NUMB: variants seen among roughly 807,000 people sequenced by gnomAD.
The protein encoded by NUMB is NUMB endocytic adaptor protein.
A neutral mutation model predicts 59.7 loss-of-function variants in NUMB; 29 were observed. The observed-to-expected ratio is 0.49, with a 90% confidence interval of 0.36 to 0.66. NUMB has a LOEUF of 0.66. NUMB is among the 30% of genes least tolerant of loss of function. The probability of loss-of-function intolerance (pLI) is 0.00; values close to 1 mark genes in which losing one functional copy is unlikely to be tolerated. For synonymous variants in NUMB, 288 were observed against 288.2 expected (o/e 1.00, Z 0.01); for missense variants, 723 against 822.0 (o/e 0.88, Z 1.47).
At chr14:73,282,550 A>C (rs775706015) in intron 10 of NUMB, 45 bp from the exon 11 acceptor site, 6 of 1,595,638 alleles carry the variant, frequency 3.8e-6, no homozygotes, top group Non-Finnish European at 5.1e-6. Flanking sequence ...AAATGGAATA[A>C]TCCTGAAATT....
rs541060836 is a variant in NUMB at position 73,354,459 on chromosome 14, C to T, written c.126+1167G>A. Among the ~76,000 whole-genome samples the T allele has an allele frequency of 1.5e-4, 21 of 144,620 alleles. No individual in the cohort carries two copies. In the South Asian group the frequency reaches 3.3e-3, roughly 23 times the overall value. The allele number at this position is 144,620 out of a possible 152,430, so 94.9% of individuals were successfully genotyped here. On this transcript the variant is annotated intron_variant, in intron 4 of 12. Transcript: ENST00000555238. ...CTAGGAGACGGAGGTTGCAGTGAGC[C>T]GAGATGGTGCCACTGCACTCCAGCC...
intron 2 of NUMB, among the ~76,000 whole-genome samples, chr14:73,396,321 G>GGTGTGTGT (rs200195176): frequency 4.8e-4 from 69 of 144,326 alleles, no homozygotes; most frequent in East Asian, 2.2e-3. Flanking sequence ...AATTATTAGG[G>GGTGTGTGT]GTGTGTGTGT....
intron 6 of NUMB, among the ~76,000 whole-genome samples, chr14:73,307,163 GC>G (rs1482322490): frequency 6.6e-6 from 1 of 152,096 alleles, no homozygotes; most frequent in Non-Finnish European, 1.5e-5. Context: ...CAAAAAATTA[GC>G]TGGGTGTGGT....
chr14:73,391,527 G>A (rs1594981529), intron 2 of NUMB, among the ~76,000 whole-genome samples: 1 of 151,872 alleles, frequency 6.6e-6, no homozygotes, highest in African/African-American at 2.4e-5. Flanking sequence ...CTCTAACAAT[G>A]ATTCATTCTC....
At chr14:73,379,137 C>A (rs1895109140) in intron 2 of NUMB, among the ~76,000 whole-genome samples, 1 of 152,208 alleles carries the variant, frequency 6.6e-6, no homozygotes, top group South Asian at 2.1e-4. Flanking sequence ...TTATATATGG[C>A]ATTTTACCCA....
At chr14:73,322,518 A>C (rs1891459305) in intron 5 of NUMB, among the ~76,000 whole-genome samples, 1 of 152,172 alleles carries the variant, frequency 6.6e-6, no homozygotes, top group African/African-American at 2.4e-5. Flanking sequence ...TAATAGTAAG[A>C]AGTCTCCAAA....
intron 1 of NUMB, among the ~76,000 whole-genome samples, chr14:73,414,751 G>C (rs555976376): frequency 6.6e-6 from 1 of 151,942 alleles, no homozygotes; most frequent in Non-Finnish European, 1.5e-5. Context: ...ACTGAGTCTC[G>C]CTCTGTTGCC....
At chr14:73,429,409 C>G (rs1897728906) in intron 1 of NUMB, among the ~76,000 whole-genome samples, 2 of 151,978 alleles carry the variant, frequency 1.3e-5, no homozygotes, top group African/African-American at 4.8e-5. Flanking sequence ...TATAGTTTTG[C>G]CTGTTCCAAA....
intron 1 of NUMB, among the ~76,000 whole-genome samples, chr14:73,415,930 AAAAG>A (rs1459386309): frequency 2.0e-5 from 3 of 151,554 alleles, no homozygotes; most frequent in Admixed American, 1.3e-4. Context: ...ACAGTACTAC[AAAAG>A]AAAGAAAAAA....
intron 2 of NUMB, among the ~76,000 whole-genome samples, chr14:73,378,970 T>C (rs867681385): frequency 3.3e-5 from 5 of 152,122 alleles, no homozygotes; most frequent in Admixed American, 2.0e-4. Context: ...AGAAGAAATA[T>C]GGGAACTCTC....
intron 4 of NUMB, among the ~76,000 whole-genome samples, chr14:73,349,972 T>C (rs116212057): frequency 0.02 from 3,054 of 151,952 alleles, 100 homozygotes; most frequent in African/African-American, 0.07. Context: ...CAAGAATCAC[T>C]TGAACCCAGA....
intron 1 of NUMB, among the ~76,000 whole-genome samples, chr14:73,439,369 CAG>C (rs992467627): frequency 2.1e-4 from 32 of 152,206 alleles, no homozygotes; most frequent in African/African-American, 4.8e-4. Flanking sequence ...CTATTAAAAA[CAG>C]GGGGAAAAAG....
rs537183520 is a variant in NUMB, at chr14:73,399,218, C to T, written c.-101+10719G>A. On this transcript the variant is annotated intron_variant, in intron 2 of 12. Coordinates refer to ENST00000555238, the MANE Select transcript of NUMB (RefSeq NM_001005743.2). ...AAAATAAGCACTTACTTACATTAAG[C>T]ATATTAAATAGTTGGCCCTCCACAT... Among the ~76,000 whole-genome samples, 3 of 152,280 alleles carry T rather than the reference C, an allele frequency of 2.0e-5. No homozygotes were observed. In the South Asian group the frequency reaches 6.2e-4, roughly 32 times the overall value.
chr14:73,444,809 A>G (rs1364794333), intron 1 of NUMB, among the ~76,000 whole-genome samples: 1 of 150,074 alleles, frequency 6.7e-6, no homozygotes, highest in East Asian at 2.0e-4. Context: ...GTGAGCCGAG[A>G]TCACGCCACT....
rs1351802242 is a variant in NUMB at position 73,276,935 on chromosome 14, C to G, written c.1599G>C (p.Gln533His). The G allele has an allele frequency of 6.2e-7, 1 of 1,614,178 alleles. No homozygotes were observed. The highest frequency in any genetic ancestry group is 1.1e-5 in the South Asian group (1 of 91,088). Residue 533 changes from glutamine (Q) to histidine (H), a missense_variant, in exon 13 of 13, where the codon CAG (glutamine) becomes CAC (histidine). Coordinates refer to ENST00000555238, the MANE Select transcript of NUMB (RefSeq NM_001005743.2). ...CAGTGCCAAATACGTTGGCCACCAT[C>G]TGGGAGGGAGTGATGCCCACCACAG... ...NVPVVGITPS[Q>H]MVANVFGTAG...
chr14:73,296,602 A>G (rs191560398), intron 7 of NUMB, among the ~76,000 whole-genome samples: 499 of 152,336 alleles, frequency 3.3e-3, no homozygotes, highest in Non-Finnish European at 5.1e-3. Context: ...GTCTCTCAGG[A>G]GATTGTACTT....
Position 73,276,637 on chromosome 14 carries a change from G to C in NUMB, c.1897C>G (p.Pro633Ala). The change falls in exon 13 of 13, where the codon CCC (proline) becomes GCC (alanine). Residue 633 changes from proline to alanine, a missense_variant. This residue lies in a region of NUMB where 406 missense variants were observed against 385.4 expected (regional missense o/e 1.05). Coordinates refer to ENST00000555238, the MANE Select transcript of NUMB (RefSeq NM_001005743.2). ...LENKSKQRTN[P>A]SPTNPFSSDL... ...CTGGAGAAAGGGTTGGTAGGGGAGGGATTAGTACGCTGCTTGGACTTATTT... is the reference window on the plus strand; with the variant it reads ...CTGGAGAAAGGGTTGGTAGGGGAGGCATTAGTACGCTGCTTGGACTTATTT... 6.2e-7 allele frequency: 1 copy of C among 1,614,176 alleles called. No homozygotes were observed.
intron 1 of NUMB, among the ~76,000 whole-genome samples, chr14:73,439,147 T>C (rs1220597504): frequency 6.6e-6 from 1 of 152,176 alleles, no homozygotes; most frequent in African/African-American, 2.4e-5. Flanking sequence ...CTCAGCTCTT[T>C]TACAAAGCAA....
intron 2 of NUMB, among the ~76,000 whole-genome samples, chr14:73,375,950 C>T (rs573792920): frequency 3.3e-5 from 5 of 152,306 alleles, no homozygotes; most frequent in Non-Finnish European, 5.9e-5. Context: ...CCTACAGCTA[C>T]ATCACACTTA....
Sources: allele counts gnomAD v4.1 joint callset (sites outside exome capture counted in the v4.1 genomes callset), GRCh38; gene constraint gnomAD v4.1.1; regional missense constraint gnomAD v4.1.1; transcripts MANE v1.5; gene names NCBI Gene and HGNC (gene_info 2026-07-23, HGNC 2026-07-21).